The following PTPRD variants were observed in gnomAD, a reference collection of about 807,000 sequenced individuals.
The protein encoded by PTPRD is receptor-type tyrosine-protein phosphatase delta.
PTPRD carries 34 observed loss-of-function variants against 214.5 expected under a neutral mutation model. The observed-to-expected ratio is 0.16, with a 90% CI of 0.12 to 0.21. The LOEUF is 0.21. PTPRD is among the 10% of genes least tolerant of loss of function. The pLI is 1.00. For synonymous variants in PTPRD, 1,128 were observed against 845.7 expected, an observed-to-expected ratio of 1.33 and a Z score of -5.79; for missense variants, 2,545 against 2,398.7, an observed-to-expected ratio of 1.06 and a Z score of -1.27.
intron 8 of PTPRD, among the ~76,000 whole-genome samples, chr9:9,424,899 C>G (rs1185290233): frequency 1.3e-5 from 2 of 152,150 alleles, no homozygotes; most frequent in Non-Finnish European, 2.9e-5. Context: ...ATTTCTTCAT[C>G]CTGTATACCT....
chr9:8,702,500 A>G (rs2098111753), intron 12 of PTPRD, among the ~76,000 whole-genome samples: 1 of 152,206 alleles, frequency 6.6e-6, no homozygotes, highest in South Asian at 2.1e-4. Flanking sequence ...TTTTGAAGAG[A>G]TAAAAATAAA....
chr9:10,192,872 T>A (rs1001334492), intron 3 of PTPRD, among the ~76,000 whole-genome samples: 1 of 152,056 alleles, frequency 6.6e-6, no homozygotes, highest in Non-Finnish European at 1.5e-5. Flanking sequence ...CACTTATGAT[T>A]CTAAGAAGGA....
intron 3 of PTPRD, among the ~76,000 whole-genome samples, chr9:10,094,500 A>C (rs1423309657): frequency 6.6e-6 from 1 of 150,954 alleles, no homozygotes; most frequent in Non-Finnish European, 1.5e-5. Context: ...AATCATTAGA[A>C]ATAAATAAAC....
At chr9:9,696,912 T>G (rs1211134384) in intron 7 of PTPRD, among the ~76,000 whole-genome samples, 2 of 152,134 alleles carry the variant, frequency 1.3e-5, no homozygotes, top group Non-Finnish European at 2.9e-5. Context: ...TGATTTTCTC[T>G]GATTGTATAT....
chr9:8,601,137 C>T (rs2154277041), intron 14 of PTPRD, among the ~76,000 whole-genome samples: 1 of 152,166 alleles, frequency 6.6e-6, no homozygotes, highest in African/African-American at 2.4e-5. Context: ...TGGTGGTGGC[C>T]ATGGTGTGAT....
chr9:9,589,048 T>C (rs2097880349), intron 7 of PTPRD, among the ~76,000 whole-genome samples: 1 of 151,996 alleles, frequency 6.6e-6, no homozygotes, highest in African/African-American at 2.4e-5. Context: ...ACCACTTCCG[T>C]ATGCTTATTA....
At chr9:8,832,169 C>T (rs7048788) in intron 11 of PTPRD, among the ~76,000 whole-genome samples, 86,931 of 151,340 alleles carry the variant, frequency 0.57, 25,836 homozygotes, top group African/African-American at 0.74. Context: ...ACTACCAAGA[C>T]AGTACCTAAA....
At chr9:10,217,744 C>G (rs760665260) in intron 3 of PTPRD, among the ~76,000 whole-genome samples, 1 of 151,912 alleles carries the variant, frequency 6.6e-6, no homozygotes, top group Non-Finnish European at 1.5e-5. Context: ...TAATAATGGC[C>G]TATCATGTGC....
intron 7 of PTPRD, among the ~76,000 whole-genome samples, chr9:9,630,306 G>T (rs1196818854): frequency 6.6e-6 from 1 of 152,106 alleles, no homozygotes; most frequent in African/African-American, 2.4e-5. Flanking sequence ...AAAAAGAATT[G>T]ATCTTTTCCA....
chr9:8,981,590 T>C (rs997993271), intron 11 of PTPRD, among the ~76,000 whole-genome samples: 13 of 152,006 alleles, frequency 8.6e-5, no homozygotes, highest in African/African-American at 3.1e-4. Context: ...CCAGTGCTTA[T>C]TTTTTCTGTT....
chr9:10,441,284 G>C (rs1005577704), intron 2 of PTPRD, among the ~76,000 whole-genome samples: 6 of 151,658 alleles, frequency 4.0e-5, no homozygotes, highest in African/African-American at 1.5e-4. Context: ...TTCCTGATTT[G>C]ATCTGTATTT....
intron 10 of PTPRD, among the ~76,000 whole-genome samples, chr9:9,146,787 A>C (rs2099869275): frequency 6.6e-6 from 1 of 152,150 alleles, no homozygotes; most frequent in Non-Finnish European, 1.5e-5. Context: ...CATTTTTACC[A>C]ATAAAAATGA....
chr9:9,403,464 T>G (rs1325265539), intron 8 of PTPRD, among the ~76,000 whole-genome samples: 3 of 150,168 alleles, frequency 2.0e-5, no homozygotes, highest in Non-Finnish European at 4.4e-5. Context: ...CGAAGTAAGA[T>G]GCACTCCTTA....
At chr9:9,669,392 G>C (rs1361588536) in intron 7 of PTPRD, among the ~76,000 whole-genome samples, 3 of 152,068 alleles carry the variant, frequency 2.0e-5, no homozygotes, top group African/African-American at 7.2e-5. Context: ...TCTATCACTA[G>C]GAAATTGATA....
intron 8 of PTPRD, among the ~76,000 whole-genome samples, chr9:9,447,674 A>C (rs2090901559): frequency 6.6e-6 from 1 of 152,094 alleles, no homozygotes; most frequent in Admixed American, 6.6e-5. Context: ...TTAAAAGAAA[A>C]AAAATTTAGT....
At chr9:10,381,430 G>A (rs74808103) in intron 2 of PTPRD, among the ~76,000 whole-genome samples, 2,327 of 152,058 alleles carry the variant, frequency 0.015, 64 homozygotes, top group African/African-American at 0.053. Flanking sequence ...GCAGCCAACT[G>A]GCTTGTTAGC....
intron 10 of PTPRD, among the ~76,000 whole-genome samples, chr9:9,020,596 G>C (rs1246585766): frequency 6.6e-6 from 1 of 152,150 alleles, no homozygotes; most frequent in Non-Finnish European, 1.5e-5. Flanking sequence ...TTCTGAGGTG[G>C]TAAAGACTGA....
At chr9:9,975,051 C>T (rs929755055) in intron 4 of PTPRD, among the ~76,000 whole-genome samples, 3 of 144,348 alleles carry the variant, frequency 2.1e-5, no homozygotes, top group Non-Finnish European at 4.5e-5. Context: ...AGGAGAAGGT[C>T]GTATCACAAT....
intron 7 of PTPRD, among the ~76,000 whole-genome samples, chr9:9,731,973 T>C (rs75192912): frequency 0.019 from 2,862 of 152,158 alleles, 99 homozygotes; most frequent in African/African-American, 0.064. Context: ...TTAGAACATA[T>C]GACAGTGTAA....
Sources: allele counts gnomAD v4.1 joint callset (sites outside exome capture counted in the v4.1 genomes callset), GRCh38; gene constraint gnomAD v4.1.1; transcripts MANE v1.5; gene names NCBI Gene and HGNC (gene_info 2026-07-23, HGNC 2026-07-21).